NCAM2: variants seen among roughly 807,000 people sequenced by gnomAD.
The protein encoded by NCAM2 is neural cell adhesion molecule 2, also known as N-CAM-2.
A neutral mutation model predicts 98.1 loss-of-function variants in NCAM2; 30 were observed. The observed-to-expected ratio is 0.31, with a 90% CI of 0.23 to 0.41. The LOEUF is 0.41. Among genes scored for constraint, NCAM2 ranks in the 10% least tolerant of loss-of-function variants. The pLI is 1.00. For synonymous variants in NCAM2, 368 were observed against 342.4 expected (o/e 1.07, Z -0.83); for missense variants, 867 against 1,005.8 (o/e 0.86, Z 1.87).
At chr21:21,529,904 G>A (rs1404511899) in intron 16 of NCAM2, among the ~76,000 whole-genome samples, 2 of 150,778 alleles carry the variant, frequency 1.3e-5, no homozygotes, top group Admixed American at 1.3e-4. Context: ...TTTGACAGGG[G>A]CAGAATGCAT....
intron 6 of NCAM2, among the ~76,000 whole-genome samples, chr21:21,335,224 CA>C (rs1470523281): frequency 6.6e-6 from 1 of 151,930 alleles, no homozygotes; most frequent in African/African-American, 2.4e-5. Flanking sequence ...AATCAAAGTA[CA>C]AATTGAACTG....
At chr21:21,489,877 T>C (rs1237168201) in intron 15 of NCAM2, among the ~76,000 whole-genome samples, 1 of 152,064 alleles carries the variant, frequency 6.6e-6, no homozygotes, top group Non-Finnish European at 1.5e-5. Context: ...TAAATTGGAG[T>C]ATTATTCTAA....
chr21:21,384,869 T>C (rs1165539706), intron 9 of NCAM2, among the ~76,000 whole-genome samples: 3 of 152,040 alleles, frequency 2.0e-5, no homozygotes, highest in Admixed American at 6.6e-5. Flanking sequence ...AGAAAAAATA[T>C]CACGAGATAT....
chr21:21,146,022 T>G (rs2067266122), intron 1 of NCAM2, among the ~76,000 whole-genome samples: 1 of 152,164 alleles, frequency 6.6e-6, no homozygotes, highest in Admixed American at 6.5e-5. Flanking sequence ...GCCTGGAAAC[T>G]TTTGCAACAG....
In NCAM2 at chr21:21,430,885, A is replaced by C. The variant is rs543646760; in HGVS notation, c.1481-1223A>C. Among the ~76,000 whole-genome samples, 9 of 151,794 alleles carry C rather than the reference A, an allele frequency of 5.9e-5. No individual in the cohort carries two copies. The East Asian group carries it at 1.8e-3, about 30-fold the overall frequency. On this transcript the variant is annotated intron_variant, in intron 11 of 17. Transcript: ENST00000400546. ...ACATGGTGAAACCCTATCTCTACTAAAAATACAAAAATTAGCTGGGCGTGG... is the reference window on the plus strand; with the variant it reads ...ACATGGTGAAACCCTATCTCTACTACAAATACAAAAATTAGCTGGGCGTGG...
intron 9 of NCAM2, among the ~76,000 whole-genome samples, chr21:21,382,554 C>T (rs1281367560): frequency 2.1e-5 from 3 of 142,530 alleles, no homozygotes; most frequent in East Asian, 4.1e-4. Context: ...CTTGCTTTGT[C>T]GCCCAGGCTG....
intron 16 of NCAM2, among the ~76,000 whole-genome samples, chr21:21,519,664 T>C (rs1404385293): frequency 2.0e-5 from 3 of 152,170 alleles, no homozygotes; most frequent in Non-Finnish European, 2.9e-5. Context: ...GTTAATTCCA[T>C]GCTTATTATT....
intron 9 of NCAM2, among the ~76,000 whole-genome samples, chr21:21,399,840 A>G (rs2076591429): frequency 6.6e-6 from 1 of 152,190 alleles, no homozygotes; most frequent in Non-Finnish European, 1.5e-5. Flanking sequence ...CACAGTTACC[A>G]ACCACAAATA....
chr21:21,216,732 T>C (rs2069917922), intron 1 of NCAM2, among the ~76,000 whole-genome samples: 1 of 152,204 alleles, frequency 6.6e-6, no homozygotes, highest in Non-Finnish European at 1.5e-5. Flanking sequence ...GGTAGACATG[T>C]TCTTTCAATA....
At chr21:21,113,544 T>G (rs532595977) in intron 1 of NCAM2, among the ~76,000 whole-genome samples, 1 of 152,204 alleles carries the variant, frequency 6.6e-6, no homozygotes, top group African/African-American at 2.4e-5. Flanking sequence ...TTTTTGTTTC[T>G]TTTACACACA....
intron 15 of NCAM2, among the ~76,000 whole-genome samples, chr21:21,493,380 T>TAA (rs1986982594): frequency 6.6e-6 from 1 of 151,934 alleles, no homozygotes; most frequent in African/African-American, 2.4e-5. Flanking sequence ...TTTTCCCTTT[T>TAA]AAATAGACTT....
chr21:21,068,754 T>G (rs1247205149), intron 1 of NCAM2, among the ~76,000 whole-genome samples: 1 of 152,188 alleles, frequency 6.6e-6, no homozygotes, highest in African/African-American at 2.4e-5. Flanking sequence ...CAATGACTTA[T>G]CGTTATTACG....
chr21:21,253,337 A>G (rs541579042), intron 1 of NCAM2, among the ~76,000 whole-genome samples: 1 of 152,286 alleles, frequency 6.6e-6, no homozygotes, highest in Admixed American at 6.5e-5. Context: ...AGCACTACTT[A>G]TTATGGTCTG....
At chr21:21,395,152 C>T (rs770358216) in intron 9 of NCAM2, among the ~76,000 whole-genome samples, 49 of 152,028 alleles carry the variant, frequency 3.2e-4, no homozygotes, top group East Asian at 9.8e-4. Flanking sequence ...GGCAACATGG[C>T]GAAACCCCAT....
chr21:21,177,184 G>T (rs1048492731), intron 1 of NCAM2, among the ~76,000 whole-genome samples: 1 of 152,080 alleles, frequency 6.6e-6, no homozygotes, highest in African/African-American at 2.4e-5. Context: ...AAACTTAAAT[G>T]AAAATCGTGT....
intron 8 of NCAM2, among the ~76,000 whole-genome samples, chr21:21,343,394 C>CAT (rs1021014994): frequency 5.3e-5 from 8 of 151,216 alleles, no homozygotes; most frequent in African/African-American, 1.2e-4. Context: ...CACACACACA[C>CAT]AATCTTCATG....
At chr21:21,166,871 C>T (rs1569099397) in intron 1 of NCAM2, among the ~76,000 whole-genome samples, 6 of 152,188 alleles carry the variant, frequency 3.9e-5, no homozygotes, top group Admixed American at 3.9e-4. Flanking sequence ...TTGCATCTCT[C>T]TCAAAAAGTT....
intron 10 of NCAM2, among the ~76,000 whole-genome samples, chr21:21,411,311 C>A (rs1228959648): frequency 6.8e-6 from 1 of 148,090 alleles, no homozygotes; most frequent in Non-Finnish European, 1.5e-5. Context: ...TTGATGTTTT[C>A]ATTGATTCCA....
intron 1 of NCAM2, among the ~76,000 whole-genome samples, chr21:21,175,488 G>A (rs548097347): frequency 6.6e-5 from 10 of 152,122 alleles, no homozygotes; most frequent in South Asian, 4.2e-4. Context: ...GGCTGAGATC[G>A]TGCCACTGCA....
Sources: gnomAD v4.1 joint callset for allele counts (sites outside exome capture counted in the v4.1 genomes callset) on GRCh38, gnomAD v4.1.1 for gene constraint, MANE v1.5 for transcripts, NCBI Gene and HGNC (gene_info 2026-07-23, HGNC 2026-07-21) for gene names.